The following FRMD4A variants were observed in gnomAD, a reference collection of about 807,000 sequenced individuals.
FRMD4A encodes the protein FERM domain-containing protein 4A.
Under a neutral mutation model 129.1 loss-of-function variants are expected in FRMD4A, and 29 were observed. That is an observed-to-expected ratio of 0.22 (90% CI 0.17 to 0.31). The LOEUF (loss-of-function observed/expected upper bound fraction) is 0.31. FRMD4A is among the 10% of genes least tolerant of loss of function. The probability of loss-of-function intolerance (pLI) is 1.00; values close to 1 mark genes in which losing one functional copy is unlikely to be tolerated. For missense variants in FRMD4A, 1,272 were observed against 1,375.8 expected, an observed-to-expected ratio of 0.92 and a Z score of 1.19; for synonymous variants, 634 against 571.6, an observed-to-expected ratio of 1.11 and a Z score of -1.56.
chr10:13,960,170 T>C (rs1344872017), intron 2 of FRMD4A, among the ~76,000 whole-genome samples: 2 of 152,180 alleles, frequency 1.3e-5, no homozygotes, highest in African/African-American at 2.4e-5. Context: ...ACACCAACAA[T>C]TGCCTGCCTG....
Position 13,858,742 on chromosome 10 carries a change from AT to A in FRMD4A, c.111+104del. ...CATTCTCTCACAGATATTAACAGAG[AT>A]TTAAAAACAGTTTACCAAATCCCCC... On this transcript the variant is annotated intron_variant, in intron 3 of 24. Transcript: ENST00000357447. 3 of 770,820 alleles carry A rather than the reference AT, an allele frequency of 3.9e-6. No individual in the cohort carries two copies. The South Asian group carries it at 4.3e-5, about 11-fold the overall frequency. 47.7% of individuals were successfully genotyped at this position (770,820 alleles called of 1,614,324 possible).
At chr10:14,180,156 G>A (rs1349294514) in intron 2 of FRMD4A, among the ~76,000 whole-genome samples, 1 of 152,234 alleles carries the variant, frequency 6.6e-6, no homozygotes. Flanking sequence ...GAGGTGAATA[G>A]AAGAGTAATA....
At position 13,714,028 on chromosome 10, in the gene FRMD4A, A is replaced by AATATAT. The variant is rs2088446771; in HGVS notation, c.760-6916_760-6915insATATAT. On this transcript the variant is annotated intron_variant, in intron 12 of 24. Coordinates refer to ENST00000357447, the MANE Select transcript of FRMD4A (RefSeq NM_018027.5). Reference sequence around the variant, plus strand: ...TATAATATACATATATAAAATATACATATATATATATATATATATATATAT... The same window carrying AATATAT: ...TATAATATACATATATAAAATATACAATATATTATATATATATATATATATATATAT... Among the ~76,000 whole-genome samples the AATATAT allele has an allele frequency of 4.3e-5, 2 of 46,800 alleles. 1 individual carries two copies. Among genetic ancestry groups the AATATAT allele is most frequent in the Non-Finnish European group, 7.8e-5 (2 of 25,740 alleles). The allele number at this position is 46,800 out of a possible 152,430, so 30.7% of individuals were successfully genotyped here.
intron 2 of FRMD4A, among the ~76,000 whole-genome samples, chr10:14,151,208 C>G (rs1205790229): frequency 6.6e-6 from 1 of 152,178 alleles, no homozygotes; most frequent in Non-Finnish European, 1.5e-5. Context: ...GTCACATGCA[C>G]TCATATGTTC....
intron 5 of FRMD4A, among the ~76,000 whole-genome samples, chr10:13,788,455 G>A (rs1564804434): frequency 6.6e-6 from 1 of 152,332 alleles, no homozygotes; most frequent in East Asian, 1.9e-4. Context: ...ACATGGCCCT[G>A]CGTGGCATGG....
intron 2 of FRMD4A, among the ~76,000 whole-genome samples, chr10:14,128,040 CTTTCCCTCTTTCTTTCTTTCTTTCTTT>C (rs1839002682): frequency 5.7e-5 from 7 of 123,716 alleles, no homozygotes; most frequent in Admixed American, 1.8e-4. Flanking sequence ...TCCTTCCTTT[CTTTCCCTCTTTCTTTCTTTCTTTCTTT>C]CTTTCTTTCT....
intron 2 of FRMD4A, among the ~76,000 whole-genome samples, chr10:14,218,954 TCAAAAAAAAAA>T (rs1843159714): frequency 1.9e-5 from 1 of 53,946 alleles, no homozygotes; most frequent in Non-Finnish European, 2.8e-5. Context: ...AGACTTCATC[TCAAAAAAAAAA>T]AAAAAAAAAA....
At chr10:13,768,270 G>A (rs1023908824) in intron 6 of FRMD4A, among the ~76,000 whole-genome samples, 2 of 152,160 alleles carry the variant, frequency 1.3e-5, no homozygotes, top group Admixed American at 6.5e-5. Flanking sequence ...GTCTCCAAGT[G>A]TTTCTAACAA....
chr10:13,922,515 G>A (rs1459223776), intron 2 of FRMD4A, among the ~76,000 whole-genome samples: 1 of 152,082 alleles, frequency 6.6e-6, no homozygotes, highest in African/African-American at 2.4e-5. Flanking sequence ...GTATACAGGT[G>A]GTTTATTTTT....
At chr10:14,231,749 T>C (rs1843648116) in intron 2 of FRMD4A, among the ~76,000 whole-genome samples, 1 of 152,232 alleles carries the variant, frequency 6.6e-6, no homozygotes, top group Non-Finnish European at 1.5e-5. Flanking sequence ...TGTTTGTTTA[T>C]GTTTTTTGCT....
intron 2 of FRMD4A, among the ~76,000 whole-genome samples, chr10:13,866,454 C>T (rs1423352706): frequency 1.3e-5 from 2 of 152,170 alleles, no homozygotes; most frequent in African/African-American, 2.4e-5. Context: ...ACTGGGTCAC[C>T]TCAAGAGACA....
At chr10:14,291,791 G>A (rs1845856734) in intron 2 of FRMD4A, among the ~76,000 whole-genome samples, 1 of 151,536 alleles carries the variant, frequency 6.6e-6, no homozygotes, top group Non-Finnish European at 1.5e-5. Flanking sequence ...GAGTAGCATA[G>A]TAAGATAAAA....
At position 13,740,551 on chromosome 10, in the gene FRMD4A, T is replaced by C. The variant is rs1227327795; in HGVS notation, c.575A>G (p.Lys192Arg). The change falls in exon 10 of 25, where the codon AAG becomes AGG. Residue 192 changes from lysine (K) to arginine (R), a missense_variant. Around this residue, in one of 2 missense-constraint regions of FRMD4A, gnomAD observed 300 missense variants for 483.6 expected, o/e 0.62. Coordinates refer to ENST00000357447, the MANE Select transcript of FRMD4A (RefSeq NM_018027.5). ...ACCTCTTGTCTGACCGTTCAGTTTC[T>C]TGTAGTGCTCAATGACTCTGTCTTC... The part of the protein sequence containing the change: ...YCEDRVIEHY[K>R]KLNGQTRGQA... The C allele has an allele frequency of 3.1e-6, 5 of 1,592,564 alleles. No individual in the cohort carries two copies. The highest frequency in any genetic ancestry group is 4.3e-6 in the Non-Finnish European group (5 of 1,163,386).
intron 2 of FRMD4A, among the ~76,000 whole-genome samples, chr10:14,263,949 G>A (rs1320577044): frequency 6.6e-6 from 1 of 152,196 alleles, no homozygotes; most frequent in East Asian, 1.9e-4. Context: ...GCCAGTGGAA[G>A]CAGCCCCAAG....
rs537336894 is a variant in FRMD4A, at chr10:14,109,390, T to C, written c.45+220668A>G. On this transcript the variant is annotated intron_variant, in intron 2 of 24. Coordinates refer to ENST00000357447, the MANE Select transcript of FRMD4A (RefSeq NM_018027.5). Reference sequence around the variant, plus strand: ...TGAAAGTTACAAAGAAAGTGAAAGTTCTGCAAAGAAGGAGAAGAGAGTAGC... The same window carrying C: ...TGAAAGTTACAAAGAAAGTGAAAGTCCTGCAAAGAAGGAGAAGAGAGTAGC... 2.0e-5 allele frequency among the ~76,000 whole-genome samples: 3 copies of C among 152,320 alleles called. 1 individual carries two copies. The South Asian group carries it at 6.2e-4, about 32-fold the overall frequency.
In FRMD4A at chr10:13,659,326, G is replaced by A. The variant is rs1048315456; in HGVS notation, c.2063C>T (p.Thr688Met). The change falls in exon 21 of 25, where the codon ACG becomes ATG. Residue 688 changes from threonine to methionine, a missense_variant. Physicochemically the swap from Thr to Met is moderately conservative, Grantham distance 81. This residue lies in a region of FRMD4A where 972 missense variants were observed against 892.3 expected (regional missense o/e 1.09). Coordinates refer to ENST00000357447, the MANE Select transcript of FRMD4A (RefSeq NM_018027.5). ...RVRSPHYVHSTRSVDISPTRL... is the reference protein window; with the variant it reads ...RVRSPHYVHSMRSVDISPTRL... Reference sequence around the variant, plus strand: ...CAGGAAGGCCAGGCAGACTCACCTCGTGGAATGGACGTAGTGGGGACTCCG... The same window carrying A: ...CAGGAAGGCCAGGCAGACTCACCTCATGGAATGGACGTAGTGGGGACTCCG... 2 of 1,613,510 alleles carry A rather than the reference G, an allele frequency of 1.2e-6. No individual in the cohort carries two copies. Among genetic ancestry groups the A allele is most frequent in the Non-Finnish European group, 1.7e-6 (2 of 1,179,482 alleles).
At chr10:14,117,412 G>T (rs775343244) in intron 2 of FRMD4A, among the ~76,000 whole-genome samples, 7 of 152,202 alleles carry the variant, frequency 4.6e-5, no homozygotes. Context: ...TGGGACCAGT[G>T]CCCTCTACTT....
intron 13 of FRMD4A, among the ~76,000 whole-genome samples, chr10:13,702,540 A>ATG (rs398012859): frequency 3.5e-3 from 381 of 107,830 alleles, no homozygotes; most frequent in African/African-American, 9.3e-3. Context: ...GTGTGTTTGC[A>ATG]TGTGTGTGTG....
In FRMD4A at chr10:14,008,162, CTGTGTGTGTGTGTGTGTGTG is replaced by C. The variant is rs752913059; in HGVS notation, c.46-149270_46-149251del. ...CAGCCTGAACCACCATGGTGTACAG[CTGTGTGTGTGTGTGTGTGTG>C]TGTGTGTGTGTGTGTGTGTGTGTGT... On this transcript the variant is annotated intron_variant, in intron 2 of 24. Transcript: ENST00000357447. 1.4e-4 allele frequency: 87 copies of C among 630,254 alleles called. No homozygotes were observed. In the African/African-American group the frequency reaches 1.5e-3, roughly 11 times the overall value. 39.0% of individuals were successfully genotyped at this position (630,254 alleles called of 1,614,324 possible).
Sources: gnomAD v4.1 joint callset for allele counts (sites outside exome capture counted in the v4.1 genomes callset) on GRCh38, gnomAD v4.1.1 for gene constraint, gnomAD v4.1.1 regional missense constraint, MANE v1.5 for transcripts, NCBI Gene and HGNC (gene_info 2026-07-23, HGNC 2026-07-21) for gene names.